Variants in SLC12A7 observed in about 807,000 individuals in gnomAD.
SLC12A7 encodes the protein K-Cl cotransporter 4.
A neutral mutation model predicts 120.6 loss-of-function variants in SLC12A7; 100 were observed. The observed-to-expected ratio is 0.83, with a 90% CI of 0.71 to 0.98. The LOEUF is 0.98. Ranked by LOEUF, SLC12A7 falls within the 50% of genes least tolerant of loss-of-function variation. The pLI is 0.00. For missense variants in SLC12A7, 1,373 were observed against 1,548.1 expected, an observed-to-expected ratio of 0.89 and a Z score of 1.90; for synonymous variants, 760 against 678.0, an observed-to-expected ratio of 1.12 and a Z score of -1.88.
the SLC12A7 span, among the ~76,000 whole-genome samples, chr5:1,144,608 G>A: frequency 1.8e-4 from 27 of 152,154 alleles, no homozygotes; most frequent in Non-Finnish European, 3.4e-4. Context: ...GTGGGCACCC[G>A]CCTTGAAAAT....
Position 1,062,328 on chromosome 5 carries a change from C to T in SLC12A7, c.2739+1516G>A, listed in dbSNP as rs896570747. Among the ~76,000 whole-genome samples, 4 of 152,322 alleles carry T rather than the reference C, an allele frequency of 2.6e-5. No homozygotes were observed. The East Asian group carries it at 7.7e-4, about 29-fold the overall frequency. ...TGACTTGGAAATAACGTTATTCATA[C>T]GACTATTAGCACCAATAATAACCCC... On this transcript the variant is annotated intron_variant, in intron 20 of 23. Transcript: ENST00000264930.
At chr5:1,060,879 T>C (rs1736110661) in intron 20 of SLC12A7, among the ~76,000 whole-genome samples, 1 of 148,880 alleles carries the variant, frequency 6.7e-6, no homozygotes, top group Admixed American at 6.6e-5. Flanking sequence ...CAGCACAACC[T>C]CAGCGCCCGC....
At chr5:1,144,116 C>T in the SLC12A7 span, among the ~76,000 whole-genome samples, 2 of 152,180 alleles carry the variant, frequency 1.3e-5, no homozygotes, top group African/African-American at 4.8e-5. Flanking sequence ...GAGAGGGGAC[C>T]TGGACGCACC....
chr5:1,117,660 C>T, the SLC12A7 span, among the ~76,000 whole-genome samples: 4 of 152,162 alleles, frequency 2.6e-5, no homozygotes, highest in Non-Finnish European at 4.4e-5. The surrounding 1 kb of genome is among the most constrained non-coding windows in gnomAD (Gnocchi z 4.5). Context: ...ATCTTGTGAC[C>T]CCCACCAGGA....
Position 1,081,676 on chromosome 5 carries a change from C to A in SLC12A7, c.1198G>T (p.Val400Leu). ...GCGCTGGCACGGCTCTCCTCTGCCA[C>A]GGGCACCGAGGGCACACCTTTCTTC... ...VEKKGVPSVP[V>L]AEESRASALP... Residue 400 changes from valine (V) to leucine (L), a missense_variant, in exon 9 of 24, where the codon GTG becomes TTG. By Grantham distance (32) the Val-to-Leu change is conservative (BLOSUM62 1). Coordinates refer to ENST00000264930, the MANE Select transcript of SLC12A7 (RefSeq NM_006598.3). The A allele has an allele frequency of 6.2e-7, 1 of 1,613,130 alleles. No homozygotes were observed. Among genetic ancestry groups the A allele is most frequent in the Non-Finnish European group, 8.5e-7 (1 of 1,179,980 alleles).
chr5:1,073,726 C>T lies in SLC12A7; in HGVS notation c.2148G>A (p.Ser716=), dbSNP rs149978540. 60 of 1,577,952 alleles carry T rather than the reference C, an allele frequency of 3.8e-5. 1 individual carries two copies. The highest frequency in any genetic ancestry group is 3.1e-4 in the South Asian group (27 of 87,240). Residue 716 remains serine (S), a synonymous_variant, in exon 17 of 24, where the codon TCG becomes TCA. Transcript: ENST00000264930. ...TCAGGCCCTTGCCGGCCTTCAGCTGCGACGTGAAGGACAGCAGGCGGGGGT... is the reference window on the plus strand; with the variant it reads ...TCAGGCCCTTGCCGGCCTTCAGCTGTGACGTGAAGGACAGCAGGCGGGGGT... ...VKHPRLLSFT[S]QLKAGKGLTI... is the part of the protein sequence containing the mutation.
intron 20 of SLC12A7, among the ~76,000 whole-genome samples, chr5:1,061,644 A>ACC (rs1422243201): frequency 2.0e-5 from 3 of 152,190 alleles, no homozygotes; most frequent in Non-Finnish European, 4.4e-5. Context: ...CCTGTTAAGC[A>ACC]CCAGTATTTA....
At chr5:1,143,554 C>T in the SLC12A7 span, among the ~76,000 whole-genome samples, 1 of 152,226 alleles carries the variant, frequency 6.6e-6, no homozygotes, top group Non-Finnish European at 1.5e-5. Context: ...AAGGTCCTAG[C>T]TCCAGATACA....
chr5:1,114,531 G>T (rs1263201845), upstream of SLC12A7, among the ~76,000 whole-genome samples: 1 of 152,150 alleles, frequency 6.6e-6, no homozygotes, highest in Non-Finnish European at 1.5e-5. Flanking sequence ...CGGCAGCCTG[G>T]GGTTAAATGT....
intron 3 of SLC12A7, among the ~76,000 whole-genome samples, chr5:1,092,239 G>A (rs552657164): frequency 2.6e-5 from 4 of 152,378 alleles, no homozygotes; most frequent in African/African-American, 4.8e-5. Context: ...CTGACTTCCC[G>A]ACTGCTGTGT....
chr5:1,109,608 G>A (rs753343899), intron 1 of SLC12A7, among the ~76,000 whole-genome samples: 3 of 152,316 alleles, frequency 2.0e-5, no homozygotes, highest in Admixed American at 1.3e-4. Flanking sequence ...CTGGGCAGAC[G>A]CGGCCTTGCT....
intron 20 of SLC12A7, 97 bp from the exon 21 acceptor site, chr5:1,060,548 G>A (rs532609627): frequency 1.1e-4 from 99 of 903,670 alleles, no homozygotes; most frequent in South Asian, 6.0e-4. Context: ...CGCCCTGAGC[G>A]GTGGGAAAGG....
chr5:1,074,481 G>A (rs1284831772), intron 16 of SLC12A7, 86 bp downstream of exon 16: 20 of 1,254,810 alleles, frequency 1.6e-5, no homozygotes, highest in Non-Finnish European at 2.3e-5. Context: ...AGAGGCCCCT[G>A]AGACTCAAAG....
At chr5:1,150,853 A>G in the SLC12A7 span, among the ~76,000 whole-genome samples, 1 of 152,252 alleles carries the variant, frequency 6.6e-6, no homozygotes, top group Non-Finnish European at 1.5e-5. Context: ...TCCGCCTGGG[A>G]TCTGCACACC....
At chr5:1,103,292 G>A (rs1020610061) in intron 1 of SLC12A7, among the ~76,000 whole-genome samples, 11 of 152,142 alleles carry the variant, frequency 7.2e-5, no homozygotes, top group African/African-American at 2.2e-4. Flanking sequence ...AGACACCACC[G>A]CCAGTATCCT....
At chr5:1,122,765 G>T in the SLC12A7 span, among the ~76,000 whole-genome samples, 1 of 152,204 alleles carries the variant, frequency 6.6e-6, no homozygotes, top group African/African-American at 2.4e-5. Flanking sequence ...TCATTTTCTC[G>T]GCTGTCGAGT....
In SLC12A7 at chr5:1,107,944, T is replaced by TACCCAAC. The variant is rs537367536; in HGVS notation, c.124+3917_124+3923dup. Among the ~76,000 whole-genome samples the TACCCAAC allele has an allele frequency of 1.3e-4, 20 of 152,000 alleles. No individual in the cohort carries two copies. The East Asian group carries it at 3.5e-3, about 27-fold the overall frequency. On this transcript the variant is annotated intron_variant, in intron 1 of 23. Transcript: ENST00000264930. ...GCCTAGACCAGGGGGAGGGAACGGA[T>TACCCAAC]ACCCAACACCCAACACCGCGTGACC...
chr5:1,123,945 C>T, the SLC12A7 span, among the ~76,000 whole-genome samples: 9 of 152,328 alleles, frequency 5.9e-5, 1 homozygote, highest in African/African-American at 1.9e-4. Context: ...GCTTGCATCA[C>T]GAGGTCAGGC....
At chr5:1,152,600 T>C in the SLC12A7 span, among the ~76,000 whole-genome samples, 6 of 151,692 alleles carry the variant, frequency 4.0e-5, no homozygotes, top group Non-Finnish European at 5.9e-5. Context: ...TCCCCCAAGC[T>C]AGAGAAGGGA....
Sources: gnomAD v4.1 joint callset for allele counts (sites outside exome capture counted in the v4.1 genomes callset) on GRCh38, gnomAD v4.1.1 for gene constraint, Gnocchi (gnomAD v3.1) non-coding constraint, MANE v1.5 for transcripts, NCBI Gene and HGNC (gene_info 2026-07-23, HGNC 2026-07-21) for gene names.